Variants in OVOL2 observed in about 807,000 individuals in gnomAD.
OVOL2 encodes the protein transcription factor Ovo-like 2.
In OVOL2, 13 loss-of-function variants were observed where a neutral mutation model predicts 18.1. The ratio of observed to expected loss-of-function variants is 0.72; its 90% confidence interval spans 0.47 to 1.14. The LOEUF is 1.14. Among genes scored for constraint, OVOL2 ranks in the 50% most tolerant of loss-of-function variants. The pLI is 0.00. For missense variants in OVOL2, 335 were observed against 383.0 expected (o/e 0.87, Z 1.05); for synonymous variants, 166 against 162.7 (o/e 1.02, Z -0.16).
intron 2 of OVOL2, among the ~76,000 whole-genome samples, chr20:18,043,799 T>A (rs1210091844): frequency 1.3e-5 from 2 of 152,158 alleles, no homozygotes; most frequent in African/African-American, 2.4e-5. Context: ...AGAATCTACA[T>A]CTGGGTGATA....
intron 3 of OVOL2, among the ~76,000 whole-genome samples, chr20:18,038,587 G>T (rs4814684): frequency 1.3e-5 from 2 of 152,034 alleles, no homozygotes; most frequent in African/African-American, 4.8e-5. Context: ...GGGGAGGCAA[G>T]GCCATCAGCT....
At chr20:18,055,347 T>A (rs1259008491) in intron 2 of OVOL2, among the ~76,000 whole-genome samples, 3 of 152,130 alleles carry the variant, frequency 2.0e-5, no homozygotes, top group African/African-American at 7.2e-5. Context: ...AATATGCAAG[T>A]GGGGCACTTT....
chr20:18,037,149 A>AG (rs1375809387), intron 3 of OVOL2, among the ~76,000 whole-genome samples: 1 of 151,272 alleles, frequency 6.6e-6, no homozygotes, highest in African/African-American at 2.4e-5. Flanking sequence ...AAAAAAAAAA[A>AG]AAAAGAAAGA....
chr20:18,042,508 G>A (rs928245519), intron 2 of OVOL2, among the ~76,000 whole-genome samples: 18 of 151,964 alleles, frequency 1.2e-4, no homozygotes, highest in Admixed American at 4.6e-4. Flanking sequence ...CAGGCGCGGC[G>A]TCTCATGCCT....
Position 18,057,867 on chromosome 20 carries a change from GCCGGGGAAAA to G in OVOL2, c.-243_-234del. On this transcript the variant is annotated 5_prime_UTR_variant, in exon 1 of 4. An upstream open reading frame in the 5' UTR gains an earlier in-frame stop. Transcript: ENST00000278780. The surrounding 1 kb of genome is among the most constrained non-coding windows in gnomAD (Gnocchi z 6.3). ...TGCCTTAAATCGCGAGTGAGACCACGCCGGGGAAAAAGTTTCATAAGGTGGAATAGAAAAG... is the reference window on the plus strand; with the variant it reads ...TGCCTTAAATCGCGAGTGAGACCACGAGTTTCATAAGGTGGAATAGAAAAG... 7.5e-7 allele frequency: 1 copy of G among 1,339,500 alleles called. No individual in the cohort carries two copies. The allele number at this position is 1,339,500 out of a possible 1,614,324, so 83.0% of individuals were successfully genotyped here. A position where few individuals can be genotyped will look rare whatever the true frequency, so the allele number is the denominator to read the frequency against.
chr20:18,032,499 T>TTTATTATTATTA, intron 3 of OVOL2, among the ~76,000 whole-genome samples: 1 of 151,106 alleles, frequency 6.6e-6, no homozygotes, highest in South Asian at 2.1e-4. Flanking sequence ...CATGATTTCT[T>TTTATTATTATTA]TTATTATTAT....
intron 3 of OVOL2, among the ~76,000 whole-genome samples, chr20:18,027,781 G>C (rs1048565471): frequency 2.0e-5 from 3 of 151,862 alleles, no homozygotes; most frequent in African/African-American, 7.2e-5. Flanking sequence ...ATTTTTAGTA[G>C]AGACGGGGTT....
chr20:18,043,326 T>C (rs1444841283), intron 2 of OVOL2, among the ~76,000 whole-genome samples: 2 of 152,210 alleles, frequency 1.3e-5, no homozygotes, highest in East Asian at 1.9e-4. Flanking sequence ...TTATGACCAG[T>C]TGGATCAACA....
rs1688267691 is a variant in OVOL2, at chr20:18,024,761, T to G, written c.703A>C (p.Ser235Arg). Residue 235 changes from serine to arginine, a missense_variant, in exon 4 of 4, where the codon AGT (serine) becomes CGT (arginine). Transcript: ENST00000278780. ...AGAAACGAGCTGCCCGGATGGGCAC[T>G]GTTCACGTGCAGGTACAGGTCCTCC... ...TQEDLYLHVN[S>R]AHPGSSFLKK... 2 of 1,614,202 alleles carry G rather than the reference T, an allele frequency of 1.2e-6. No individual in the cohort carries two copies. Among genetic ancestry groups the G allele is most frequent in the Non-Finnish European group, 1.7e-6 (2 of 1,180,034 alleles).
intron 3 of OVOL2, among the ~76,000 whole-genome samples, chr20:18,033,974 G>A (rs918833663): frequency 6.6e-6 from 1 of 152,092 alleles, no homozygotes; most frequent in Non-Finnish European, 1.5e-5. Flanking sequence ...GCTATGAACT[G>A]AATACACATT....
At chr20:18,040,500 A>C (rs1261925622) in intron 3 of OVOL2, among the ~76,000 whole-genome samples, 3 of 152,212 alleles carry the variant, frequency 2.0e-5, no homozygotes, top group Admixed American at 2.0e-4. Flanking sequence ...CATTCTGTTC[A>C]GAGTTGGAGA....
chr20:18,039,622 AG>A (rs138197733), intron 3 of OVOL2, among the ~76,000 whole-genome samples: 5,858 of 124,518 alleles, frequency 0.047, 212 homozygotes, highest in Non-Finnish European at 0.057. Flanking sequence ...AAAAAAAAAA[AG>A]AAAGAAAGAA....
intron 3 of OVOL2, among the ~76,000 whole-genome samples, chr20:18,037,102 C>T (rs1262588854): frequency 3.4e-5 from 5 of 147,260 alleles, no homozygotes; most frequent in Admixed American, 6.9e-5. Context: ...CGCCACCGCA[C>T]TCCAGCCTGG....
At chr20:18,037,542 A>G (rs1003397001) in intron 3 of OVOL2, among the ~76,000 whole-genome samples, 1 of 152,206 alleles carries the variant, frequency 6.6e-6, no homozygotes, top group African/African-American at 2.4e-5. Context: ...TCTGCCTCCC[A>G]GGGCGGATGC....
intron 3 of OVOL2, among the ~76,000 whole-genome samples, chr20:18,027,647 A>G (rs887538182): frequency 4.0e-5 from 6 of 151,868 alleles, no homozygotes; most frequent in Non-Finnish European, 7.4e-5. Context: ...CCAGGCTGGA[A>G]TGCAGTGGCA....
chr20:18,034,626 T>C (rs934288908), intron 3 of OVOL2, among the ~76,000 whole-genome samples: 67 of 138,104 alleles, frequency 4.9e-4, no homozygotes, highest in African/African-American at 1.6e-3. Flanking sequence ...CTTCCCCTCT[T>C]TCTCTCTCTC....
At chr20:18,037,135 C>CAAAAAAAAAAAAAAAA (rs762848266) in intron 3 of OVOL2, among the ~76,000 whole-genome samples, 3 of 73,414 alleles carry the variant, frequency 4.1e-5, no homozygotes, top group Non-Finnish European at 6.0e-5. Context: ...GACTCCGTCT[C>CAAAAAAAAAAAAAAAA]AAAAAAAAAA....
At chr20:18,050,541 A>C (rs2036763021) in intron 2 of OVOL2, 1 of 152,190 alleles carries the variant, frequency 6.6e-6, no homozygotes, top group African/African-American at 2.4e-5. Context: ...AGTCCTTTCC[A>C]ACAATAAAAA....
At chr20:18,038,656 TTG>T (rs2036641683) in intron 3 of OVOL2, among the ~76,000 whole-genome samples, 1 of 152,118 alleles carries the variant, frequency 6.6e-6, no homozygotes, top group Non-Finnish European at 1.5e-5. Flanking sequence ...GCCCCCTGCG[TTG>T]TGTCCTAGAA....
Sources: allele counts gnomAD v4.1 joint callset (sites outside exome capture counted in the v4.1 genomes callset), GRCh38; gene constraint gnomAD v4.1.1; non-coding constraint Gnocchi (gnomAD v3.1); transcripts MANE v1.5; gene names NCBI Gene and HGNC (gene_info 2026-07-23, HGNC 2026-07-21).